PRELID2: variants seen among roughly 807,000 people sequenced by gnomAD.
PRELID2 encodes the protein PRELI domain-containing protein 2.
Under a neutral mutation model 28.4 loss-of-function variants are expected in PRELID2, and 25 were observed. That is an observed-to-expected ratio of 0.88 (90% CI 0.64 to 1.23). The LOEUF is 1.23. PRELID2 is among the 50% of genes most tolerant of loss of function. PRELID2 has a pLI of 0.00. For synonymous variants in PRELID2, 76 were observed against 71.6 expected (o/e 1.06, Z -0.31); for missense variants, 201 against 214.4 (o/e 0.94, Z 0.39).
Position 145,550,171 on chromosome 5 carries a change from G to T in PRELID2, n.71-76856C>A, listed in dbSNP as rs963270256. On this transcript the variant is annotated intron_variant and non_coding_transcript_variant, in intron 1 of 2. Transcript: ENST00000510259. ...GAAGAAAGAAGGAGGGGATGAGAATGAACCCTGTGGTATGAACTAGACCTA... is the reference window on the plus strand; with the variant it reads ...GAAGAAAGAAGGAGGGGATGAGAATTAACCCTGTGGTATGAACTAGACCTA... Among the ~76,000 whole-genome samples the T allele has an allele frequency of 6.8e-4, 103 of 152,288 alleles. 1 individual carries two copies. Among genetic ancestry groups the T allele is most frequent in the African/African-American group, 2.4e-3 (99 of 41,550 alleles).
intron 1 of PRELID2, among the ~76,000 whole-genome samples, chr5:145,526,508 C>T (rs1419103303): frequency 6.6e-6 from 1 of 152,092 alleles, no homozygotes; most frequent in African/African-American, 2.4e-5. Context: ...CCATGAAGAG[C>T]CCAGTATGGC....
At chr5:145,447,577 C>G in the PRELID2 span, among the ~76,000 whole-genome samples, 1 of 132,454 alleles carries the variant, frequency 7.5e-6, no homozygotes, top group African/African-American at 2.9e-5. Flanking sequence ...CCCACTAACT[C>G]GTCATCTAGC....
chr5:145,494,845 G>C (rs968320652), intron 1 of PRELID2, among the ~76,000 whole-genome samples: 1 of 152,046 alleles, frequency 6.6e-6, no homozygotes, highest in South Asian at 2.1e-4. Context: ...AACTTGTTTA[G>C]GGGCAAAAAT....
chr5:145,663,870 G>A (rs1041656147), intron 1 of PRELID2, among the ~76,000 whole-genome samples: 35 of 152,000 alleles, frequency 2.3e-4, no homozygotes, highest in Admixed American at 2.0e-3. Context: ...TCAGCAGTGC[G>A]CCCATTATCA....
At chr5:145,430,894 C>G in the PRELID2 span, among the ~76,000 whole-genome samples, 3 of 150,900 alleles carry the variant, frequency 2.0e-5, no homozygotes, top group Non-Finnish European at 4.4e-5. Flanking sequence ...CATACCTAAT[C>G]TAGTAATTCT....
At chr5:145,819,446 A>C in intron 3 of PRELID2, 1 of 1,445,248 alleles carries the variant, frequency 6.9e-7, no homozygotes, top group Admixed American at 1.8e-5. Context: ...TGCTATCATG[A>C]AGATTTCATC....
chr5:145,743,809 C>T (rs1756910939), intron 1 of PRELID2, among the ~76,000 whole-genome samples: 1 of 152,244 alleles, frequency 6.6e-6, no homozygotes, highest in African/African-American at 2.4e-5. Flanking sequence ...ACCCAGCTCC[C>T]AGGGGGAGGG....
At chr5:145,424,592 G>A in the PRELID2 span, among the ~76,000 whole-genome samples, 3 of 152,084 alleles carry the variant, frequency 2.0e-5, no homozygotes, top group Non-Finnish European at 2.9e-5. Flanking sequence ...ACCCTGCTTC[G>A]GCTCGCGCAC....
the PRELID2 span, among the ~76,000 whole-genome samples, chr5:145,426,991 A>T: frequency 6.6e-6 from 1 of 152,218 alleles, no homozygotes; most frequent in Non-Finnish European, 1.5e-5. Context: ...CAAATCTCTG[A>T]GTAACTGAAT....
the PRELID2 span, among the ~76,000 whole-genome samples, chr5:145,305,890 A>G: frequency 4.6e-5 from 7 of 152,330 alleles, no homozygotes; most frequent in East Asian, 1.4e-3. Context: ...TTTTGTGCAG[A>G]TGCCCATGGT....
chr5:145,625,024 A>G (rs574634541), intron 1 of PRELID2, among the ~76,000 whole-genome samples: 3 of 152,164 alleles, frequency 2.0e-5, no homozygotes, highest in Non-Finnish European at 4.4e-5. Flanking sequence ...CAAAGATACC[A>G]TTTTATACTT....
chr5:145,524,649 T>C, intron 1 of PRELID2, among the ~76,000 whole-genome samples: 1 of 152,192 alleles, frequency 6.6e-6, no homozygotes, highest in Non-Finnish European at 1.5e-5. Context: ...GTGTTTGATG[T>C]CCCAGTGACT....
intron 1 of PRELID2, among the ~76,000 whole-genome samples, chr5:145,539,033 T>C (rs937770509): frequency 1.3e-5 from 2 of 151,814 alleles, no homozygotes; most frequent in Non-Finnish European, 2.9e-5. Context: ...AGAATCCAAA[T>C]TGCTGAATGC....
At chr5:145,723,749 G>A (rs1654242) in intron 1 of PRELID2, among the ~76,000 whole-genome samples, 28,028 of 152,142 alleles carry the variant, frequency 0.18, 3,002 homozygotes, top group African/African-American at 0.29. Flanking sequence ...TGGTGGGAAT[G>A]TAAATGACAC....
intron 1 of PRELID2, among the ~76,000 whole-genome samples, chr5:145,824,461 T>TGTGTGTGTGA (rs1755042037): frequency 7.0e-6 from 1 of 143,866 alleles, no homozygotes; most frequent in South Asian, 2.2e-4. Flanking sequence ...TGTGTGTGTG[T>TGTGTGTGTGA]GTGATATTGA....
intron 1 of PRELID2, among the ~76,000 whole-genome samples, chr5:145,616,443 C>T (rs536252258): frequency 9.9e-5 from 15 of 152,260 alleles, no homozygotes; most frequent in Non-Finnish European, 1.8e-4. Context: ...CGATATTTCA[C>T]GTAGGTTCTT....
chr5:145,469,726 G>T (rs1032127797), downstream of PRELID2, among the ~76,000 whole-genome samples: 1 of 152,086 alleles, frequency 6.6e-6, no homozygotes, highest in Non-Finnish European at 1.5e-5. Flanking sequence ...ATTCAGTGCT[G>T]TGTTTTTCTC....
At chr5:145,505,089 T>C (rs1261399884) in intron 1 of PRELID2, among the ~76,000 whole-genome samples, 2 of 152,274 alleles carry the variant, frequency 1.3e-5, no homozygotes, top group African/African-American at 4.8e-5. Flanking sequence ...CAAGCATACA[T>C]GACCATAGAA....
intron 1 of PRELID2, among the ~76,000 whole-genome samples, chr5:145,566,793 T>C (rs1310640991): frequency 7.6e-6 from 1 of 132,094 alleles, no homozygotes; most frequent in Non-Finnish European, 1.5e-5. Context: ...TGAACCAAGA[T>C]CACACCACTG....
Sources: gnomAD v4.1 joint callset for allele counts (sites outside exome capture counted in the v4.1 genomes callset) on GRCh38, gnomAD v4.1.1 for gene constraint, MANE v1.5 for transcripts, NCBI Gene and HGNC (gene_info 2026-07-23, HGNC 2026-07-21) for gene names.